Variants in UNC13C observed in about 807,000 individuals in gnomAD.
UNC13C encodes protein unc-13 homolog C.
Under a neutral mutation model 245.4 loss-of-function variants are expected in UNC13C, and 174 were observed. The ratio of observed to expected loss-of-function variants is 0.71; its 90% CI spans 0.63 to 0.80. The LOEUF (loss-of-function observed/expected upper bound fraction) is 0.80, where lower values mean the gene tolerates loss of function less well. Among genes scored for constraint, UNC13C ranks in the 30% least tolerant of loss-of-function variants. UNC13C has a pLI of 0.00. For synonymous variants in UNC13C, 992 were observed against 895.1 expected (o/e 1.11, Z -1.93); for missense variants, 2,829 against 2,602.9 (o/e 1.09, Z -1.89).
chr15:54,482,057 C>G (rs937058313), intron 19 of UNC13C, among the ~76,000 whole-genome samples: 1 of 152,118 alleles, frequency 6.6e-6, no homozygotes, highest in Non-Finnish European at 1.5e-5. Flanking sequence ...GGAATATACA[C>G]TTTGTCTCGC....
At chr15:53,881,175 G>T in the UNC13C span, among the ~76,000 whole-genome samples, 1 of 151,982 alleles carries the variant, frequency 6.6e-6, no homozygotes, top group Admixed American at 6.6e-5. Context: ...AATCTAATTG[G>T]TTTTGTTTCT....
the UNC13C span, among the ~76,000 whole-genome samples, chr15:53,874,168 G>T: frequency 6.6e-6 from 1 of 151,934 alleles, no homozygotes; most frequent in Non-Finnish European, 1.5e-5. Flanking sequence ...TGGAGACAGG[G>T]TTTTGCCATG....
chr15:54,369,760 A>C (rs1402301924), intron 17 of UNC13C, among the ~76,000 whole-genome samples: 1 of 152,170 alleles, frequency 6.6e-6, no homozygotes, highest in African/African-American at 2.4e-5. Context: ...GTCAACTTGC[A>C]TGCTATAAAG....
chr15:54,597,725 CAG>C (rs1899175019), intron 30 of UNC13C, among the ~76,000 whole-genome samples: 1 of 152,086 alleles, frequency 6.6e-6, no homozygotes, highest in Non-Finnish European at 1.5e-5. Flanking sequence ...CACATAGTAT[CAG>C]AGATCAGAGG....
At position 54,567,044 on chromosome 15, in the gene UNC13C, T is replaced by C. The variant is rs145272012; in HGVS notation, c.5959-756T>C. Among the ~76,000 whole-genome samples the C allele has an allele frequency of 5.7e-3, 867 of 152,218 alleles. 11 individuals carry two copies. Among genetic ancestry groups the C allele is most frequent in the African/African-American group, 0.02 (836 of 41,540 alleles). On this transcript the variant is annotated intron_variant, in intron 29 of 32. Coordinates refer to ENST00000260323, the MANE Select transcript of UNC13C (RefSeq NM_001080534.3). ...AAAAAACATCCTTAGTTCTATCATA[T>C]ATCTCTAGACAGTCTGCATTTCCAA...
intron 14 of UNC13C, among the ~76,000 whole-genome samples, chr15:54,323,174 A>T (rs1240968544): frequency 1.3e-5 from 2 of 151,998 alleles, no homozygotes; most frequent in Admixed American, 1.3e-4. Flanking sequence ...TAGAAAAGAA[A>T]CAGTTGAGAC....
At chr15:54,316,346 T>C (rs927556184) in intron 13 of UNC13C, among the ~76,000 whole-genome samples, 1 of 151,868 alleles carries the variant, frequency 6.6e-6, no homozygotes, top group Non-Finnish European at 1.5e-5. Context: ...TGCCTTGATT[T>C]GTACTTTTCC....
At chr15:54,218,519 CA>C (rs2035113184) in intron 4 of UNC13C, among the ~76,000 whole-genome samples, 1 of 151,848 alleles carries the variant, frequency 6.6e-6, no homozygotes, top group South Asian at 2.1e-4. Context: ...TGATGCCTCC[CA>C]AAAACCTACA....
chr15:54,483,841 A>T (rs1025138883), intron 19 of UNC13C, among the ~76,000 whole-genome samples: 1 of 152,172 alleles, frequency 6.6e-6, no homozygotes, highest in African/African-American at 2.4e-5. Flanking sequence ...CTCTCCCTAC[A>T]ATGCAAAATG....
At chr15:54,397,280 T>G (rs1389189471) in intron 18 of UNC13C, among the ~76,000 whole-genome samples, 2 of 151,474 alleles carry the variant, frequency 1.3e-5, no homozygotes, top group African/African-American at 4.8e-5. Context: ...TTGTTGAAAA[T>G]TATTCTTTCC....
chr15:54,619,838 T>C (rs1465748285), intron 30 of UNC13C, among the ~76,000 whole-genome samples: 1 of 152,138 alleles, frequency 6.6e-6, no homozygotes, highest in Non-Finnish European at 1.5e-5. Context: ...AGGAGAAAAA[T>C]CTGCATAATT....
chr15:54,091,971 C>T (rs1274301267), intron 2 of UNC13C, among the ~76,000 whole-genome samples: 1 of 152,220 alleles, frequency 6.6e-6, no homozygotes, highest in Non-Finnish European at 1.5e-5. Flanking sequence ...CAGTTACTCA[C>T]AAGTTTGATA....
At chr15:54,225,523 C>T (rs904418963) in intron 4 of UNC13C, among the ~76,000 whole-genome samples, 3 of 152,150 alleles carry the variant, frequency 2.0e-5, no homozygotes, top group Admixed American at 6.5e-5. Flanking sequence ...AGAGGCCCTT[C>T]ACTCCTTGTT....
chr15:54,052,601 T>A (rs1897319599), intron 2 of UNC13C, among the ~76,000 whole-genome samples: 1 of 152,220 alleles, frequency 6.6e-6, no homozygotes, highest in South Asian at 2.1e-4. Flanking sequence ...ATAAATGACA[T>A]GTTTATGGTG....
At chr15:54,402,382 A>G (rs1384974571) in intron 18 of UNC13C, among the ~76,000 whole-genome samples, 1 of 152,198 alleles carries the variant, frequency 6.6e-6, no homozygotes, top group Non-Finnish European at 1.5e-5. Context: ...GCATAAGGGT[A>G]CTGCCAAAGA....
intron 17 of UNC13C, among the ~76,000 whole-genome samples, chr15:54,368,759 T>C (rs2039423131): frequency 6.6e-6 from 1 of 152,144 alleles, no homozygotes; most frequent in Admixed American, 6.5e-5. Context: ...ATTTTGCTTT[T>C]TGTTTCACAG....
chr15:54,453,993 C>A (rs1891330031), intron 19 of UNC13C, among the ~76,000 whole-genome samples: 1 of 152,086 alleles, frequency 6.6e-6, no homozygotes, highest in Non-Finnish European at 1.5e-5. Flanking sequence ...ATATTCCAGA[C>A]ATTTCATATA....
chr15:54,248,319 G>T (rs1009130116), intron 7 of UNC13C, among the ~76,000 whole-genome samples: 1 of 151,790 alleles, frequency 6.6e-6, no homozygotes, highest in African/African-American at 2.4e-5. Context: ...GCTACATTAC[G>T]CACACAAACA....
rs76935594 is a variant in UNC13C at position 54,294,992 on chromosome 15, A to G, written c.3988+928A>G. On this transcript the variant is annotated intron_variant, in intron 11 of 32. Coordinates refer to ENST00000260323, the MANE Select transcript of UNC13C (RefSeq NM_001080534.3). ...AATAATTCAATGAAAGAGATATTTA[A>G]TTTATCTGAACACAGATGATTCAAG... 3.1e-3 allele frequency among the ~76,000 whole-genome samples: 467 copies of G among 152,328 alleles called. 2 individuals are homozygous for G. Among genetic ancestry groups the G allele is most frequent in the African/African-American group, 0.011 (447 of 41,580 alleles).
Sources: gnomAD v4.1 joint callset for allele counts (sites outside exome capture counted in the v4.1 genomes callset) on GRCh38, gnomAD v4.1.1 for gene constraint, MANE v1.5 for transcripts, NCBI Gene and HGNC (gene_info 2026-07-23, HGNC 2026-07-21) for gene names.